LPP: variants seen among roughly 807,000 people sequenced by gnomAD.
LPP encodes lipoma-preferred partner.
In LPP, 38 loss-of-function variants were observed where a neutral mutation model predicts 60.4. The observed-to-expected ratio is 0.63, with a 90% confidence interval of 0.49 to 0.83. The LOEUF (loss-of-function observed/expected upper bound fraction) is 0.83. Among genes scored for constraint, LPP ranks in the 40% least tolerant of loss-of-function variants. The pLI, the probability that LPP is intolerant of heterozygous loss-of-function variation, is 0.00. For missense variants in LPP, 902 were observed against 783.6 expected (o/e 1.15, Z -1.80); for synonymous variants, 328 against 290.8 (o/e 1.13, Z -1.30).
intron 4 of LPP, among the ~76,000 whole-genome samples, chr3:188,457,070 G>A (rs963877353): frequency 6.6e-6 from 1 of 152,196 alleles, no homozygotes; most frequent in Non-Finnish European, 1.5e-5. Flanking sequence ...AAAATAATTA[G>A]AAAGAATTCA....
At chr3:188,458,840 T>G (rs1371856509) in intron 4 of LPP, among the ~76,000 whole-genome samples, 1 of 151,804 alleles carries the variant, frequency 6.6e-6, no homozygotes, top group African/African-American at 2.4e-5. Context: ...GCAGTGTGGG[T>G]TTTTTTTCGT....
At chr3:188,322,971 T>C (rs1156725781) in intron 2 of LPP, among the ~76,000 whole-genome samples, 2 of 152,206 alleles carry the variant, frequency 1.3e-5, no homozygotes, top group Non-Finnish European at 2.9e-5. Context: ...ATCTTCACTT[T>C]AGAGGTGGGG....
intron 8 of LPP, among the ~76,000 whole-genome samples, chr3:188,737,951 C>T (rs1341869157): frequency 6.6e-6 from 1 of 152,188 alleles, no homozygotes; most frequent in Non-Finnish European, 1.5e-5. Context: ...ACTTAATCAA[C>T]ATGCTATCAT....
chr3:188,777,452 G>C lies in LPP; in HGVS notation c.1410+17170G>C, dbSNP rs117116081. Among the ~76,000 whole-genome samples the C allele has an allele frequency of 2.4e-4, 36 of 152,210 alleles. No homozygotes were observed. The East Asian group carries it at 6.2e-3, about 26-fold the overall frequency. On this transcript the variant is annotated intron_variant, in intron 9 of 11. Coordinates refer to ENST00000617246, the MANE Select transcript of LPP (RefSeq NM_001375462.1). ...GCAAAAGAGAGAATCATCAGTATTT[G>C]GGAAACTCACTGTTTGAATGAGATA...
At chr3:188,604,618 A>G (rs1165803419) in intron 6 of LPP, among the ~76,000 whole-genome samples, 1 of 152,216 alleles carries the variant, frequency 6.6e-6, no homozygotes, top group African/African-American at 2.4e-5. Flanking sequence ...TGTCAAGTCA[A>G]TAAGGAAAAT....
chr3:188,425,529 G>A (rs1789063235), intron 4 of LPP, among the ~76,000 whole-genome samples: 1 of 152,088 alleles, frequency 6.6e-6, no homozygotes, highest in Non-Finnish European at 1.5e-5. Flanking sequence ...ATGGTAGCAA[G>A]CTCCTCTTTG....
At chr3:188,518,385 A>G (rs932723440) in intron 5 of LPP, among the ~76,000 whole-genome samples, 3 of 152,212 alleles carry the variant, frequency 2.0e-5, no homozygotes, top group African/African-American at 7.2e-5. Context: ...AACACAATGT[A>G]ATTTTTGTAT....
rs1803370438 is a variant in LPP at position 188,476,867 on chromosome 3, G to GCA, written c.194-7725_194-7724insCA. On this transcript the variant is annotated intron_variant, in intron 4 of 11. Transcript: ENST00000617246. ...AGAGGAAGATGTGTCACTGAAGGGA[G>GCA]ATATATTGTGCTATTTTGATGACAA... 1.1e-4 allele frequency among the ~76,000 whole-genome samples: 17 copies of GCA among 152,316 alleles called. 1 individual carries two copies. Among genetic ancestry groups the GCA allele is most frequent in the African/African-American group, 4.1e-4 (17 of 41,570 alleles).
At chr3:188,518,975 C>T (rs577777031) in intron 5 of LPP, among the ~76,000 whole-genome samples, 2 of 152,068 alleles carry the variant, frequency 1.3e-5, no homozygotes, top group Admixed American at 6.5e-5. Flanking sequence ...ACAAATAAAT[C>T]GTTAACGTAT....
rs1445078867 is a variant in LPP, at chr3:188,880,768, T to A, written c.*6289T>A. On this transcript the variant is annotated 3_prime_UTR_variant, in exon 12 of 12. Coordinates refer to ENST00000617246, the MANE Select transcript of LPP (RefSeq NM_001375462.1). ...TAAAATCAGTTCTCTACCCTACGAA[T>A]GGAATGTTCTACCAAGAAAGAGAAG... 4 of 182,538 alleles carry A rather than the reference T, an allele frequency of 2.2e-5. No homozygotes were observed. Among genetic ancestry groups the A allele is most frequent in the Non-Finnish European group, 4.7e-5 (4 of 85,650 alleles). The allele number at this position is 182,538 out of a possible 1,614,324, so 11.3% of individuals were successfully genotyped here. A position where few individuals can be genotyped will look rare whatever the true frequency, so the allele number is the denominator to read the frequency against.
At chr3:188,577,312 C>A (rs1373150148) in intron 6 of LPP, among the ~76,000 whole-genome samples, 2 of 152,122 alleles carry the variant, frequency 1.3e-5, no homozygotes, top group African/African-American at 2.4e-5. Context: ...AAGACATACA[C>A]CCTAGTTACT....
intron 9 of LPP, among the ~76,000 whole-genome samples, chr3:188,833,794 A>G (rs1577865877): frequency 6.6e-6 from 1 of 152,308 alleles, no homozygotes; most frequent in African/African-American, 2.4e-5. Flanking sequence ...TGTTGAATCT[A>G]TCCATTCAAG....
intron 9 of LPP, among the ~76,000 whole-genome samples, chr3:188,850,607 G>A (rs1405168919): frequency 6.6e-6 from 1 of 152,022 alleles, no homozygotes; most frequent in Admixed American, 6.6e-5. Flanking sequence ...CATTTACTTT[G>A]ATAGCTGTTT....
In LPP at chr3:188,757,889, G is replaced by GTTTTTTTTTTT. The variant is rs750488243; in HGVS notation, c.1241-2214_1241-2204dup. On this transcript the variant is annotated intron_variant, in intron 8 of 11. Transcript: ENST00000617246. ...TTTTTTTTGTGGTTTTGTTTTTTTG[G>GTTTTTTTTTTT]TTTTTTTTTTTTTTTTTTTTCAGAA... is the stretch of plus-strand genomic sequence containing the variant. Among the ~76,000 whole-genome samples, 26 of 78,714 alleles carry GTTTTTTTTTTT rather than the reference G, an allele frequency of 3.3e-4. 1 individual carries two copies. The highest frequency in any genetic ancestry group is 6.7e-4 in the African/African-American group (13 of 19,452). 51.6% of individuals were successfully genotyped at this position (78,714 alleles called of 152,430 possible).
chr3:188,544,584 C>T (rs192150139), intron 6 of LPP, among the ~76,000 whole-genome samples: 1 of 135,816 alleles, frequency 7.4e-6, no homozygotes, highest in African/African-American at 2.8e-5. Flanking sequence ...GAATGGCAAT[C>T]ATTAAAAAGT....
At position 188,309,887 on chromosome 3, in the gene LPP, G is replaced by A. The variant is rs534218143; in HGVS notation, c.-66-31776G>A. On this transcript the variant is annotated intron_variant, in intron 2 of 11. Transcript: ENST00000617246. ...TCACATCAGTAAAACATGGAGTTCT[G>A]ATCTGAGTGAAATGTGAAACTTCTT... 5.3e-5 allele frequency among the ~76,000 whole-genome samples: 8 copies of A among 152,232 alleles called. No individual in the cohort carries two copies. The South Asian group carries it at 1.5e-3, about 28-fold the overall frequency.
At chr3:188,657,874 G>A (rs974246782) in intron 7 of LPP, among the ~76,000 whole-genome samples, 1 of 152,096 alleles carries the variant, frequency 6.6e-6, no homozygotes, top group Non-Finnish European at 1.5e-5. Context: ...TACTCTTACA[G>A]CGTTGGTCCT....
chr3:188,814,831 A>G (rs73888913), intron 9 of LPP, among the ~76,000 whole-genome samples: 2,304 of 152,334 alleles, frequency 0.015, 62 homozygotes, highest in African/African-American at 0.051. Context: ...TCTCAGTCTT[A>G]AAAGTCAATA....
intron 6 of LPP, among the ~76,000 whole-genome samples, chr3:188,552,502 A>G (rs1828419144): frequency 1.3e-5 from 2 of 152,272 alleles, no homozygotes; most frequent in South Asian, 4.1e-4. Context: ...AACATCACAA[A>G]TTTCTTATCT....
Sources: allele counts gnomAD v4.1 joint callset (sites outside exome capture counted in the v4.1 genomes callset), GRCh38; gene constraint gnomAD v4.1.1; transcripts MANE v1.5; gene names NCBI Gene and HGNC (gene_info 2026-07-23, HGNC 2026-07-21).